Variants in CWF19L2 observed in about 807,000 individuals in gnomAD.
CWF19L2 encodes CWF19 like cell cycle control factor 2.
A neutral mutation model predicts 111.7 loss-of-function variants in CWF19L2; 98 were observed. The observed-to-expected ratio is 0.88, with a 90% confidence interval of 0.75 to 1.04. The LOEUF (loss-of-function observed/expected upper bound fraction) is 1.04, where lower values mean the gene tolerates loss of function less well. CWF19L2 is among the 50% of genes least tolerant of loss of function. CWF19L2 has a pLI of 0.00. For missense variants in CWF19L2, 1,101 were observed against 1,051.4 expected (o/e 1.05, Z -0.65); for synonymous variants, 351 against 342.9 (o/e 1.02, Z -0.26).
chr11:107,413,833 T>A (rs1861190264), intron 10 of CWF19L2, among the ~76,000 whole-genome samples: 1 of 152,194 alleles, frequency 6.6e-6, no homozygotes, highest in African/African-American at 2.4e-5. Context: ...CTAGGGAAGT[T>A]GACATTCTCA....
chr11:107,374,138 G>A (rs1294988938), intron 12 of CWF19L2, among the ~76,000 whole-genome samples: 3 of 134,864 alleles, frequency 2.2e-5, no homozygotes, highest in South Asian at 2.5e-4. Context: ...CCAAATCTAC[G>A]TCGGATTGGT....
intron 5 of CWF19L2, 91 bp from the exon 6 acceptor site, chr11:107,439,274 T>C (rs1861587381): frequency 1.4e-6 from 1 of 732,406 alleles, no homozygotes; most frequent in African/African-American, 1.8e-5. Context: ...CAGTTAATAG[T>C]CATAACCCTG....
intron 12 of CWF19L2, among the ~76,000 whole-genome samples, chr11:107,358,156 A>G (rs891894195): frequency 3.3e-5 from 5 of 152,200 alleles, no homozygotes; most frequent in African/African-American, 1.2e-4. Flanking sequence ...AATGTAAGAT[A>G]GTGCAGCTGC....
chr11:107,326,806 G>A lies in CWF19L2; in HGVS notation c.*104C>T. ...CACTGACCCAGAGCAGTCTGCTGCT[G>A]TGACTCTCTCTGCCTGTGACCTGAG... On this transcript the variant is annotated 3_prime_UTR_variant, in exon 18 of 18. Transcript: ENST00000282251. 1.1e-6 allele frequency: 1 copy of A among 951,412 alleles called. No individual in the cohort carries two copies. Among genetic ancestry groups the A allele is most frequent in the Non-Finnish European group, 1.5e-6 (1 of 645,784 alleles). The allele number at this position is 951,412 out of a possible 1,614,324, so 58.9% of individuals were successfully genotyped here.
At chr11:107,381,241 T>C (rs953694179) in intron 12 of CWF19L2, among the ~76,000 whole-genome samples, 20 of 152,184 alleles carry the variant, frequency 1.3e-4, no homozygotes, top group African/African-American at 4.6e-4. Flanking sequence ...AAATTTTATG[T>C]TATGTATATT....
At chr11:107,352,798 T>C (rs897540148) in intron 13 of CWF19L2, among the ~76,000 whole-genome samples, 17 of 152,192 alleles carry the variant, frequency 1.1e-4, no homozygotes, top group Non-Finnish European at 2.4e-4. Flanking sequence ...TATGTGTATG[T>C]ATACAATAAA....
At chr11:107,385,788 G>C (rs1238109947) in intron 12 of CWF19L2, among the ~76,000 whole-genome samples, 2 of 152,222 alleles carry the variant, frequency 1.3e-5, no homozygotes, top group East Asian at 3.8e-4. Flanking sequence ...TCAGCCCTTT[G>C]TCCAGCACAA....
At chr11:107,397,242 G>A (rs1350260796) in intron 10 of CWF19L2, among the ~76,000 whole-genome samples, 9 of 152,046 alleles carry the variant, frequency 5.9e-5, no homozygotes, top group Non-Finnish European at 7.4e-5. Flanking sequence ...CTTTTCTCTC[G>A]CAGCTGGAAG....
At chr11:107,327,314 G>A (rs1481216249) in intron 17 of CWF19L2, among the ~76,000 whole-genome samples, 3 of 152,016 alleles carry the variant, frequency 2.0e-5, no homozygotes, top group Admixed American at 2.0e-4. Context: ...ACATCTACTA[G>A]ATGGTAACAA....
chr11:107,345,684 TA>T (rs1251118636), intron 14 of CWF19L2, among the ~76,000 whole-genome samples: 1 of 152,144 alleles, frequency 6.6e-6, no homozygotes, highest in African/African-American at 2.4e-5. Context: ...CACACACATA[TA>T]TAGAATATTT....
chr11:107,378,317 C>A (rs1335916716), intron 12 of CWF19L2, among the ~76,000 whole-genome samples: 1 of 147,084 alleles, frequency 6.8e-6, no homozygotes, highest in Non-Finnish European at 1.5e-5. Context: ...CACATGCACA[C>A]GTATGTTTAT....
chr11:107,334,648 A>G (rs956524926), intron 16 of CWF19L2, among the ~76,000 whole-genome samples: 1 of 152,242 alleles, frequency 6.6e-6, no homozygotes, highest in African/African-American at 2.4e-5. Flanking sequence ...TAGGGACTAC[A>G]GTGGCAGAAG....
At chr11:107,386,123 C>A (rs1379830827) in intron 12 of CWF19L2, among the ~76,000 whole-genome samples, 2 of 152,154 alleles carry the variant, frequency 1.3e-5, no homozygotes, top group African/African-American at 4.8e-5. Context: ...AAGTGATCAT[C>A]CCACCTCAGC....
At chr11:107,382,901 G>A (rs474290) in intron 12 of CWF19L2, among the ~76,000 whole-genome samples, 81,760 of 152,056 alleles carry the variant, frequency 0.54, 23,055 homozygotes, top group African/African-American at 0.72. Context: ...CTATGCAATG[G>A]GGGAAGGAAT....
intron 10 of CWF19L2, among the ~76,000 whole-genome samples, chr11:107,407,037 A>T (rs1408175364): frequency 6.6e-6 from 1 of 152,070 alleles, no homozygotes; most frequent in Non-Finnish European, 1.5e-5. Context: ...TGATATAGCA[A>T]GTGTTTTTCT....
At chr11:107,385,492 A>G (rs1860751571) in intron 12 of CWF19L2, among the ~76,000 whole-genome samples, 1 of 152,166 alleles carries the variant, frequency 6.6e-6, no homozygotes, top group African/African-American at 2.4e-5. Flanking sequence ...ATTTATCTAA[A>G]CGTCAATTAA....
chr11:107,342,752 C>T lies in CWF19L2; in HGVS notation c.2203-6039G>A, dbSNP rs190370547. On this transcript the variant is annotated intron_variant, in intron 14 of 17. Coordinates refer to ENST00000282251, the MANE Select transcript of CWF19L2 (RefSeq NM_152434.3). ...ACCATATATGGCATAAGAGACTTTT[C>T]AGATATAACTAAGAATCTTGATACA... Among the ~76,000 whole-genome samples the T allele has an allele frequency of 2.5e-3, 388 of 152,202 alleles. 1 individual carries two copies. The highest frequency in any genetic ancestry group is 4.0e-3 in the Non-Finnish European group (272 of 67,996).
intron 2 of CWF19L2, among the ~76,000 whole-genome samples, chr11:107,455,023 G>C (rs1301569437): frequency 6.6e-6 from 1 of 152,120 alleles, no homozygotes; most frequent in Non-Finnish European, 1.5e-5. Context: ...AGGGGAAGGA[G>C]CAAGGATAGG....
At chr11:107,425,179 AACACACAC>A (rs138792527) in intron 8 of CWF19L2, among the ~76,000 whole-genome samples, 1,925 of 144,924 alleles carry the variant, frequency 0.013, 34 homozygotes, top group African/African-American at 0.045. Flanking sequence ...CTCTCTTTGA[AACACACAC>A]ACACACACAC....
Sources: gnomAD v4.1 joint callset for allele counts (sites outside exome capture counted in the v4.1 genomes callset) on GRCh38, gnomAD v4.1.1 for gene constraint, MANE v1.5 for transcripts, NCBI Gene and HGNC (gene_info 2026-07-23, HGNC 2026-07-21) for gene names.